BRCA1: variants seen among roughly 807,000 people sequenced by gnomAD.
BRCA1 encodes the protein BRCA1 DNA repair associated.
BRCA1 carries 140 observed loss-of-function variants against 173.7 expected under a neutral mutation model. The ratio of observed to expected loss-of-function variants is 0.81; its 90% CI spans 0.70 to 0.93. BRCA1 has a LOEUF of 0.93. BRCA1 is among the 40% of genes least tolerant of loss of function. The pLI, the probability that BRCA1 is intolerant of heterozygous loss-of-function variation, is 0.00. For missense variants in BRCA1, 1,983 were observed against 2,172.5 expected, an observed-to-expected ratio of 0.91 and a Z score of 1.73; for synonymous variants, 662 against 756.0, an observed-to-expected ratio of 0.88 and a Z score of 2.04.
In BRCA1 at chr17:43,094,177, C is replaced by T. The variant is rs2154455068; in HGVS notation, c.1354G>A (p.Val452Ile). The change falls in exon 10 of 23, where the codon GTA becomes ATA. Residue 452 changes from valine (V) to isoleucine (I), a missense_variant. Physicochemically the swap from Val to Ile is conservative, Grantham distance 29 (BLOSUM62 3). Transcript: ENST00000357654. ...ATTTTGTCTTCAATATTACTCTCTA[C>T]TGATTTGGAGTGAACTCTTTCACTT... ...CKSERVHSKS[V>I]ESNIEDKIFG... 1 of 1,614,050 alleles carries T rather than the reference C, an allele frequency of 6.2e-7. No individual in the cohort carries two copies. Among genetic ancestry groups the T allele is most frequent in the Non-Finnish European group, 8.5e-7 (1 of 1,180,010 alleles).
intron 21 of BRCA1, among the ~76,000 whole-genome samples, chr17:43,048,460 C>T (rs2051033998): frequency 6.6e-6 from 1 of 151,974 alleles, no homozygotes; most frequent in South Asian, 2.1e-4. Flanking sequence ...CCACCTCAGC[C>T]TCCCAAAGTG....
chr17:43,066,812 CTTTTTTTTTTT>C lies in BRCA1; in HGVS notation c.5074+785_5074+795del, dbSNP rs34253779. Among the ~76,000 whole-genome samples, 16 of 112,242 alleles carry C rather than the reference CTTTTTTTTTTT, an allele frequency of 1.4e-4. No homozygotes were observed. The East Asian group carries it at 2.3e-3, about 16-fold the overall frequency. The allele number at this position is 112,242 out of a possible 152,430, so 73.6% of individuals were successfully genotyped here. On this transcript the variant is annotated intron_variant, in intron 16 of 22. Coordinates refer to ENST00000357654, the MANE Select transcript of BRCA1 (RefSeq NM_007294.4). ...TATCTCAGCTCACCACCCTCCAAAC[CTTTTTTTTTTT>C]TTTTTTTTTTTGAGACAAGAATCTC... is the stretch of plus-strand genomic sequence containing the variant.
intron 1 of BRCA1, among the ~76,000 whole-genome samples, chr17:43,146,272 A>G (rs536918526): frequency 2.3e-4 from 34 of 146,190 alleles, no homozygotes; most frequent in Non-Finnish European, 4.5e-4. Flanking sequence ...AAAGAATTAC[A>G]GTACGTGGCT....
chr17:43,127,431 T>C (rs1386699485), upstream of BRCA1, among the ~76,000 whole-genome samples: 1 of 152,092 alleles, frequency 6.6e-6, no homozygotes, highest in East Asian at 1.9e-4. Flanking sequence ...GGATTGTAAA[T>C]GCACCAATCA....
chr17:43,158,064 A>G (rs1224786775), intron 1 of BRCA1, among the ~76,000 whole-genome samples: 1 of 152,172 alleles, frequency 6.6e-6, no homozygotes, highest in African/African-American at 2.4e-5. Flanking sequence ...TAGAAAACAT[A>G]CAATAGTTGA....
intron 19 of BRCA1, 44 bp downstream of exon 19, chr17:43,057,008 G>T: frequency 6.4e-7 from 1 of 1,566,616 alleles, no homozygotes; most frequent in Non-Finnish European, 8.8e-7. Flanking sequence ...GGAATACAGA[G>T]TGGTGGGGTG....
chr17:43,144,265 G>A (rs1330412426), intron 1 of BRCA1: 2 of 307,828 alleles, frequency 6.5e-6, no homozygotes, highest in South Asian at 2.5e-5. Context: ...TTGTAAGGGC[G>A]AAAAGCCCCC....
intron 3 of BRCA1, among the ~76,000 whole-genome samples, chr17:43,113,405 T>C (rs1275394197): frequency 6.6e-6 from 1 of 151,790 alleles, no homozygotes; most frequent in African/African-American, 2.4e-5. Context: ...TCTCACTCTG[T>C]TGTCAGGCTG....
intron 1 of BRCA1, among the ~76,000 whole-genome samples, chr17:43,152,942 G>A (rs1008665432): frequency 6.6e-6 from 1 of 152,124 alleles, no homozygotes; most frequent in African/African-American, 2.4e-5. Flanking sequence ...GGCTGAGGCA[G>A]GAGAATCCCT....
chr17:43,145,361 C>G (rs1435717735), intron 1 of BRCA1: 5 of 412,108 alleles, frequency 1.2e-5, no homozygotes, highest in Non-Finnish European at 2.3e-5. Flanking sequence ...GAGTCTCGCT[C>G]TGTCGCCCAG....
intron 18 of BRCA1, among the ~76,000 whole-genome samples, chr17:43,061,640 T>C (rs2153511970): frequency 6.6e-6 from 1 of 151,900 alleles, no homozygotes; most frequent in South Asian, 2.1e-4. Flanking sequence ...TGGAGTGCAG[T>C]GGTGCAATCT....
In BRCA1 at chr17:43,063,835, G is replaced by A. The variant is rs757676453; in HGVS notation, c.5152+39C>T. ...TTAGGTGTAAAAATGCAATTCTGAG[G>A]TGTTAAAGGGAGGAGGGGAGAAATA... is the stretch of plus-strand genomic sequence containing the variant. On this transcript the variant is annotated intron_variant, in intron 17 of 22. Coordinates refer to ENST00000357654, the MANE Select transcript of BRCA1 (RefSeq NM_007294.4). 9.1e-6 allele frequency: 14 copies of A among 1,532,468 alleles called. No individual in the cohort carries two copies. The African/African-American group carries it at 1.6e-4, about 18-fold the overall frequency. The allele number at this position is 1,532,468 out of a possible 1,614,324, so 94.9% of individuals were successfully genotyped here. A position where few individuals can be genotyped will look rare whatever the true frequency, so the allele number is the denominator to read the frequency against.
At chr17:43,067,030 C>T (rs1172665221) in intron 16 of BRCA1, among the ~76,000 whole-genome samples, 1 of 151,152 alleles carries the variant, frequency 6.6e-6, no homozygotes, top group Non-Finnish European at 1.5e-5. Flanking sequence ...GTTGGCCAGG[C>T]TGGTCTCGAA....
At chr17:43,079,861 A>AC in intron 12 of BRCA1, 1 of 667,592 alleles carries the variant, frequency 1.5e-6, no homozygotes, top group South Asian at 1.7e-5. Flanking sequence ...CATTTAGCAT[A>AC]TAAATTCCTC....
intron 1 of BRCA1, among the ~76,000 whole-genome samples, chr17:43,154,089 G>T (rs552905841): frequency 6.6e-6 from 1 of 152,096 alleles, no homozygotes; most frequent in South Asian, 2.1e-4. Context: ...TGGAGGCTAA[G>T]GCAGAAGGAT....
At chr17:43,097,145 A>G in intron 8 of BRCA1, 99 bp downstream of exon 8, 9 of 1,252,554 alleles carry the variant, frequency 7.2e-6, no homozygotes, top group Admixed American at 2.0e-5. Flanking sequence ...AACCTAAAAT[A>G]AAAGTTAAAA....
chr17:43,169,925 C>T, intron 1 of BRCA1: 1 of 454,040 alleles, frequency 2.2e-6, no homozygotes, highest in South Asian at 1.7e-5. Flanking sequence ...TGACGTTGGC[C>T]AGGACCTTTG....
rs765632953 is a variant in BRCA1 at position 43,100,567 on chromosome 17, TATATAAC to T, written c.442-694_442-688del. Among the ~76,000 whole-genome samples the T allele has an allele frequency of 2.3e-3, 233 of 101,064 alleles. 5 individuals are homozygous for T. The highest frequency in any genetic ancestry group is 3.8e-3 in the African/African-American group (102 of 26,520). The allele number at this position is 101,064 out of a possible 152,430, so 66.3% of individuals were successfully genotyped here. A position where few individuals can be genotyped will look rare whatever the true frequency, so the allele number is the denominator to read the frequency against. ...ATATGTGTGTGTGTGTGTATATATATATATAACATATATATAACATATATATATTATA... is the reference window on the plus strand; with the variant it reads ...ATATGTGTGTGTGTGTGTATATATATATATATATAACATATATATATTATA... On this transcript the variant is annotated intron_variant, in intron 6 of 22. Transcript: ENST00000357654.
rs1026311651 is a variant in BRCA1, at chr17:43,049,271, G to A, written c.5333-77C>T. On this transcript the variant is annotated intron_variant, in intron 20 of 22. Transcript: ENST00000357654. ...CCAGGCCCTCTACCCTACACTCTCCGGATGAAGGCTTATAGCAAGACCTCT... is the reference window on the plus strand; with the variant it reads ...CCAGGCCCTCTACCCTACACTCTCCAGATGAAGGCTTATAGCAAGACCTCT... 24 of 1,316,634 alleles carry A rather than the reference G, an allele frequency of 1.8e-5. No homozygotes were observed. The highest frequency in any genetic ancestry group is 2.4e-5 in the South Asian group (2 of 83,530). The allele number at this position is 1,316,634 out of a possible 1,614,324, so 81.6% of individuals were successfully genotyped here. A position where few individuals can be genotyped will look rare whatever the true frequency, so the allele number is the denominator to read the frequency against.
Sources: allele counts gnomAD v4.1 joint callset (sites outside exome capture counted in the v4.1 genomes callset), GRCh38; gene constraint gnomAD v4.1.1; transcripts MANE v1.5; gene names NCBI Gene and HGNC (gene_info 2026-07-23, HGNC 2026-07-21).